The following ARFGAP3 variants were observed in gnomAD, a reference collection of about 807,000 sequenced individuals.
The protein encoded by ARFGAP3 is ADP-ribosylation factor GTPase-activating protein 3.
In ARFGAP3, 72 loss-of-function variants were observed where a neutral mutation model predicts 75.0. The ratio of observed to expected loss-of-function variants is 0.96; its 90% CI spans 0.79 to 1.17. ARFGAP3 has a LOEUF of 1.17. Among genes scored for constraint, ARFGAP3 ranks in the 50% most tolerant of loss-of-function variants. The probability of loss-of-function intolerance (pLI) is 0.00; values close to 1 mark genes in which losing one functional copy is unlikely to be tolerated. For missense variants in ARFGAP3, 620 were observed against 626.6 expected, an observed-to-expected ratio of 0.99 and a Z score of 0.11; for synonymous variants, 221 against 217.9, an observed-to-expected ratio of 1.01 and a Z score of -0.13.
chr22:42,830,977 A>T (rs913714372), intron 6 of ARFGAP3, among the ~76,000 whole-genome samples: 1 of 152,074 alleles, frequency 6.6e-6, no homozygotes, highest in Non-Finnish European at 1.5e-5. Flanking sequence ...CCCACTTTAT[A>T]GTCTATTATG....
intron 11 of ARFGAP3, among the ~76,000 whole-genome samples, chr22:42,811,213 C>T (rs1925354945): frequency 6.6e-6 from 1 of 152,220 alleles, no homozygotes; most frequent in African/African-American, 2.4e-5. Flanking sequence ...GGTGAAACCT[C>T]CATCAGTCTG....
intron 9 of ARFGAP3, among the ~76,000 whole-genome samples, chr22:42,820,293 T>A (rs1985714): frequency 6.6e-6 from 1 of 152,100 alleles, no homozygotes; most frequent in South Asian, 2.1e-4. Flanking sequence ...TTAAAGTCTG[T>A]GACAAGTCAA....
chr22:42,847,718 A>T lies in ARFGAP3; in HGVS notation c.70-86T>A. 5 of 1,499,006 alleles carry T rather than the reference A, an allele frequency of 3.3e-6. No individual in the cohort carries two copies. The South Asian group carries it at 5.3e-5, about 16-fold the overall frequency. 92.9% of individuals were successfully genotyped at this position (1,499,006 alleles called of 1,614,324 possible). A position where few individuals can be genotyped will look rare whatever the true frequency, so the allele number is the denominator to read the frequency against. The stretch of plus-strand genomic sequence containing the variant: ...GATACAGTAAATGACTTAGCTTGAA[A>T]ACTGTTTAACCTTTACAATGTAAAC... On this transcript the variant is annotated intron_variant, in intron 1 of 15. Coordinates refer to ENST00000263245, the MANE Select transcript of ARFGAP3 (RefSeq NM_014570.5).
chr22:42,798,142 C>T (rs142991610), intron 15 of ARFGAP3, among the ~76,000 whole-genome samples: 148 of 152,328 alleles, frequency 9.7e-4, no homozygotes, highest in African/African-American at 3.5e-3. Flanking sequence ...GTGGGCTTAG[C>T]TGACCTAAGG....
intron 15 of ARFGAP3, among the ~76,000 whole-genome samples, chr22:42,798,652 T>TA (rs1924714341): frequency 6.6e-6 from 1 of 151,960 alleles, no homozygotes; most frequent in African/African-American, 2.4e-5. Context: ...TAGATATGTA[T>TA]ATCTTTTTAA....
At chr22:42,833,115 T>C (rs753465790) in intron 5 of ARFGAP3, among the ~76,000 whole-genome samples, 10 of 152,224 alleles carry the variant, frequency 6.6e-5, no homozygotes, top group Non-Finnish European at 8.8e-5. Context: ...TATGGATTGC[T>C]GTCACTGTTG....
At chr22:42,829,588 C>T (rs1016649506) in intron 6 of ARFGAP3, among the ~76,000 whole-genome samples, 2 of 152,152 alleles carry the variant, frequency 1.3e-5, no homozygotes, top group African/African-American at 4.8e-5. Flanking sequence ...CACAAAACAA[C>T]CACATCAGAG....
chr22:42,822,036 T>A (rs765470599), intron 9 of ARFGAP3, among the ~76,000 whole-genome samples: 7 of 152,200 alleles, frequency 4.6e-5, no homozygotes, highest in Non-Finnish European at 1.0e-4. Context: ...GTCTTTCCCT[T>A]CTCACTGATG....
Position 42,799,021 on chromosome 22 carries a change from C to T in ARFGAP3, c.1533+18G>A. ...AACCTACCGTCATAGCCAGTGAGCACTGCCCCATTCCACTGACCTGAATTG... is the reference window on the plus strand; with the variant it reads ...AACCTACCGTCATAGCCAGTGAGCATTGCCCCATTCCACTGACCTGAATTG... On this transcript the variant is annotated intron_variant, in intron 15 of 15. Coordinates refer to ENST00000263245, the MANE Select transcript of ARFGAP3 (RefSeq NM_014570.5). The T allele has an allele frequency of 6.2e-7, 1 of 1,609,938 alleles. No homozygotes were observed. The highest frequency in any genetic ancestry group is 8.5e-7 in the Non-Finnish European group (1 of 1,176,152).
intron 1 of ARFGAP3, among the ~76,000 whole-genome samples, chr22:42,851,052 T>C (rs1927257118): frequency 6.6e-6 from 1 of 152,234 alleles, no homozygotes; most frequent in Non-Finnish European, 1.5e-5. Context: ...AAAGGTGCTG[T>C]TCTTCCCCGT....
chr22:42,855,920 G>A (rs1427563391), intron 1 of ARFGAP3, among the ~76,000 whole-genome samples: 1 of 152,020 alleles, frequency 6.6e-6, no homozygotes, highest in Non-Finnish European at 1.5e-5. Flanking sequence ...CAGCCCTGTG[G>A]TGTCAGCCTC....
At chr22:42,840,902 A>G (rs749148108) in intron 3 of ARFGAP3, 42 bp downstream of exon 3, 245 of 1,598,178 alleles carry the variant, frequency 1.5e-4, no homozygotes, top group Non-Finnish European at 1.4e-4. Context: ...CATAACAAAT[A>G]TTTAAACAAG....
chr22:42,817,318 C>T, intron 10 of ARFGAP3, 54 bp from the exon 11 acceptor site: 2 of 1,533,548 alleles, frequency 1.3e-6, no homozygotes, highest in South Asian at 2.5e-5. Flanking sequence ...TTTTGTTTCA[C>T]CAAAATAAAC....
intron 9 of ARFGAP3, among the ~76,000 whole-genome samples, chr22:42,818,830 T>C (rs1052771700): frequency 1.0e-4 from 15 of 148,740 alleles, no homozygotes; most frequent in African/African-American, 3.7e-4. Flanking sequence ...TTCTGTTTTT[T>C]GAAATGGAGT....
In ARFGAP3 at chr22:42,837,675, C is replaced by CTTTTTTTTTTTTTTTTTTTTTTTT. The variant is rs71186547; in HGVS notation, c.262-2183_262-2182insAAAAAAAAAAAAAAAAAAAAAAAA. 3.2e-4 allele frequency among the ~76,000 whole-genome samples: 24 copies of CTTTTTTTTTTTTTTTTTTTTTTTT among 75,664 alleles called. 2 individuals carry two copies. Among genetic ancestry groups the CTTTTTTTTTTTTTTTTTTTTTTTT allele is most frequent in the African/African-American group, 4.4e-4 (7 of 16,056 alleles). 49.6% of individuals were successfully genotyped at this position (75,664 alleles called of 152,430 possible). A position where few individuals can be genotyped will look rare whatever the true frequency, so the allele number is the denominator to read the frequency against. On this transcript the variant is annotated intron_variant, in intron 3 of 15. Transcript: ENST00000263245. The stretch of plus-strand genomic sequence containing the variant: ...GCCTTGAAACATCTAAGGCATACTT[C>CTTTTTTTTTTTTTTTTTTTTTTTT]TTTTTTTTTTTTTTTTTTTTTTGAG...
intron 8 of ARFGAP3, 100 bp from the exon 9 acceptor site, chr22:42,822,509 CA>C (rs1925857998): frequency 7.8e-6 from 11 of 1,407,952 alleles, no homozygotes; most frequent in Middle Eastern, 3.7e-4. Context: ...GGCACTGTGA[CA>C]AGCACTCTAC....
At chr22:42,833,907 T>C (rs1047732487) in intron 5 of ARFGAP3, among the ~76,000 whole-genome samples, 3 of 152,112 alleles carry the variant, frequency 2.0e-5, no homozygotes, top group South Asian at 2.1e-4. Flanking sequence ...CAGAGCCAGA[T>C]TCAGTCCCCC....
chr22:42,808,814 T>A lies in ARFGAP3; in HGVS notation c.1273A>T (p.Lys425Ter). 1 of 1,613,900 alleles carries A rather than the reference T, an allele frequency of 6.2e-7. No individual in the cohort carries two copies. Among genetic ancestry groups the A allele is most frequent in the Non-Finnish European group, 8.5e-7 (1 of 1,179,858 alleles). The stretch of plus-strand genomic sequence containing the variant: ...AAATACATATCTGATGAAATGGCCT[T>A]GACATTGCCAAACTTCTTCTGGGCC... The part of the protein sequence containing the change: ...DEAQKKFGNV[K>*]AISSDMYFGR... Residue 425 changes from lysine to a stop codon, truncating the protein, a stop_gained, in exon 13 of 16, where the codon AAG (lysine) becomes TAG (stop). Coordinates refer to ENST00000263245, the MANE Select transcript of ARFGAP3 (RefSeq NM_014570.5). LOFTEE classifies it high-confidence loss of function.
At position 42,817,227 on chromosome 22, in the gene ARFGAP3, T is replaced by G. The variant is rs377010312; in HGVS notation, c.979A>C (p.Ile327Leu). 5 of 1,613,290 alleles carry G rather than the reference T, an allele frequency of 3.1e-6. No individual in the cohort carries two copies. Among genetic ancestry groups the G allele is most frequent in the Non-Finnish European group, 4.2e-6 (5 of 1,179,612 alleles). ...SHSVTSDMQT[I>L]EQESPIMAKP... ...GCCATAATGGGTGATTCCTGCTCTA[T>G]GGTCTGCATATCTGAAGTCACTGAA... The change falls in exon 11 of 16, where the codon ATA becomes CTA. Residue 327 changes from isoleucine to leucine, a missense_variant. Ile to Leu is a conservative substitution (Grantham distance 5). Coordinates refer to ENST00000263245, the MANE Select transcript of ARFGAP3 (RefSeq NM_014570.5).
Sources: gnomAD v4.1 joint callset for allele counts (sites outside exome capture counted in the v4.1 genomes callset) on GRCh38, gnomAD v4.1.1 for gene constraint, MANE v1.5 for transcripts, NCBI Gene and HGNC (gene_info 2026-07-23, HGNC 2026-07-21) for gene names.